HMGB1: variants seen among roughly 807,000 people sequenced by gnomAD.
The protein encoded by HMGB1 is high mobility group protein B1.
For synonymous variants in HMGB1, 81 were observed against 84.0 expected, an observed-to-expected ratio of 0.96 and a Z score of 0.19; for missense variants, 79 against 253.5, an observed-to-expected ratio of 0.31 and a Z score of 4.67.
intron 1 of HMGB1, chr13:30,542,903 G>C (rs1868957571): frequency 6.5e-6 from 1 of 153,246 alleles, no homozygotes; most frequent in Admixed American, 6.5e-5. Flanking sequence ...CAAGTTGATG[G>C]GTGGCGACTC....
At chr13:30,481,118 A>G (rs1054863342) in intron 1 of HMGB1, among the ~76,000 whole-genome samples, 8 of 152,086 alleles carry the variant, frequency 5.3e-5, no homozygotes, top group Admixed American at 2.0e-4. Context: ...TGACCTAAGT[A>G]TTATATGATA....
chr13:30,615,854 CGTTA>C (rs1164937798), intron 1 of HMGB1, among the ~76,000 whole-genome samples: 3 of 152,072 alleles, frequency 2.0e-5, no homozygotes, highest in Admixed American at 6.6e-5. Context: ...TGCAGCTGTT[CGTTA>C]GTTATTAATT....
chr13:30,563,088 T>C (rs1313953654), intron 1 of HMGB1, among the ~76,000 whole-genome samples: 1 of 152,202 alleles, frequency 6.6e-6, no homozygotes, highest in Non-Finnish European at 1.5e-5. Flanking sequence ...AGTTTACTAG[T>C]CTACAGCAGG....
rs144245944 is a variant in HMGB1, at chr13:30,602,964, C to G, written c.-15+13707G>C. On this transcript the variant is annotated intron_variant, in intron 1 of 4. Coordinates refer to the HMGB1 transcript ENST00000405805. ...GACCACAGGCACATGCCACCACGTC[C>G]AGCTTAATTTTGTATTTTTTTGGTA... 2.9e-3 allele frequency among the ~76,000 whole-genome samples: 441 copies of G among 152,276 alleles called. 1 individual carries two copies. Among genetic ancestry groups the G allele is most frequent in the Non-Finnish European group, 5.0e-3 (341 of 68,022 alleles).
chr13:30,612,441 CAT>C (rs1950521280), intron 1 of HMGB1, among the ~76,000 whole-genome samples: 1 of 152,226 alleles, frequency 6.6e-6, no homozygotes, highest in Admixed American at 6.5e-5. Context: ...AGCAGACAGT[CAT>C]GTGCTGCAAT....
chr13:30,610,067 ATACT>A (rs1215877739), intron 1 of HMGB1, among the ~76,000 whole-genome samples: 2 of 152,238 alleles, frequency 1.3e-5, no homozygotes, highest in Non-Finnish European at 2.9e-5. Context: ...ATTAGTAAAT[ATACT>A]TACTTTTCCT....
At chr13:30,537,081 T>C (rs141531321) in intron 1 of HMGB1, among the ~76,000 whole-genome samples, 99 of 152,366 alleles carry the variant, frequency 6.5e-4, no homozygotes, top group African/African-American at 2.3e-3. Context: ...TTTGAGACTA[T>C]GTTTTATGAA....
chr13:30,509,044 T>C (rs1019957294), intron 1 of HMGB1, among the ~76,000 whole-genome samples: 4 of 151,594 alleles, frequency 2.6e-5, no homozygotes, highest in African/African-American at 9.7e-5. Flanking sequence ...AAGCCATCCT[T>C]CTGCCTCAGC....
chr13:30,530,827 G>A (rs557994437), intron 1 of HMGB1, among the ~76,000 whole-genome samples: 1 of 152,052 alleles, frequency 6.6e-6, no homozygotes, highest in South Asian at 2.1e-4. Context: ...CAGGCAGATT[G>A]CTTGAGCCCA....
chr13:30,593,943 T>C (rs1181457217), intron 1 of HMGB1, among the ~76,000 whole-genome samples: 3 of 152,234 alleles, frequency 2.0e-5, no homozygotes, highest in South Asian at 2.1e-4. Flanking sequence ...CAGTATTGAA[T>C]TGACTGACAA....
intron 1 of HMGB1, chr13:30,464,599 T>C: frequency 2.0e-6 from 2 of 981,466 alleles, no homozygotes; most frequent in Non-Finnish European, 2.4e-6. Flanking sequence ...GCCGCCCCCA[T>C]TTTGTCAGGC....
rs973129214 is a variant in HMGB1, at chr13:30,503,429, G to A, written c.-14-39735C>T. 5.3e-5 allele frequency among the ~76,000 whole-genome samples: 8 copies of A among 149,976 alleles called. No homozygotes were observed. In the Admixed American group the frequency reaches 5.5e-4, roughly 10 times the overall value. ...AGCATAGAGGCTGACTCCTTAGTAA[G>A]CACACAATAAAAATATATGAATAAA... is the stretch of plus-strand genomic sequence containing the variant. On this transcript the variant is annotated intron_variant, in intron 1 of 4. Coordinates refer to the HMGB1 transcript ENST00000405805.
At chr13:30,597,504 A>G (rs1483454484) in intron 1 of HMGB1, among the ~76,000 whole-genome samples, 1 of 152,236 alleles carries the variant, frequency 6.6e-6, no homozygotes, top group African/African-American at 2.4e-5. Flanking sequence ...CAGCAGTCCT[A>G]GCAAACTAAT....
At chr13:30,470,833 G>GAGAC (rs1366010104), upstream of HMGB1, among the ~76,000 whole-genome samples, 1 of 151,986 alleles carries the variant, frequency 6.6e-6, no homozygotes, top group African/African-American at 2.4e-5. Context: ...ATTTTTAGTA[G>GAGAC]AGACGGGGTT....
At chr13:30,616,071 CA>C (rs1379901147) in intron 1 of HMGB1, among the ~76,000 whole-genome samples, 3 of 152,170 alleles carry the variant, frequency 2.0e-5, no homozygotes. Context: ...ACAGTATTCT[CA>C]ACTTGGGACC....
chr13:30,521,901 T>C (rs1002763888), intron 1 of HMGB1, among the ~76,000 whole-genome samples: 1 of 152,218 alleles, frequency 6.6e-6, no homozygotes, highest in African/African-American at 2.4e-5. Flanking sequence ...TTTTTGTGAT[T>C]AGAACCATCT....
intron 1 of HMGB1, among the ~76,000 whole-genome samples, chr13:30,599,240 G>A (rs912386554): frequency 6.6e-6 from 1 of 152,154 alleles, no homozygotes; most frequent in Non-Finnish European, 1.5e-5. Flanking sequence ...AGGCCAAGGT[G>A]GGCGGATCAC....
At chr13:30,473,728 A>G (rs1228447966) in intron 1 of HMGB1, among the ~76,000 whole-genome samples, 1 of 152,224 alleles carries the variant, frequency 6.6e-6, no homozygotes, top group Non-Finnish European at 1.5e-5. Flanking sequence ...GATAGATAGC[A>G]GTTGACCCAG....
chr13:30,555,513 G>C (rs1276367396), intron 1 of HMGB1, among the ~76,000 whole-genome samples: 1 of 152,060 alleles, frequency 6.6e-6, no homozygotes, highest in African/African-American at 2.4e-5. Context: ...TCAGTTTCCT[G>C]GGATGGGTTC....
Sources: gnomAD v4.1 joint callset for allele counts (sites outside exome capture counted in the v4.1 genomes callset) on GRCh38, gnomAD v4.1.1 for gene constraint, MANE v1.5 for transcripts, NCBI Gene and HGNC (gene_info 2026-07-23, HGNC 2026-07-21) for gene names.